NCKAP5: variants seen among roughly 807,000 people sequenced by gnomAD.
NCKAP5 encodes the protein nck-associated protein 5.
NCKAP5 carries 92 observed loss-of-function variants against 167.0 expected under a neutral mutation model. The ratio of observed to expected loss-of-function variants is 0.55; its 90% CI spans 0.47 to 0.66. The LOEUF (loss-of-function observed/expected upper bound fraction) is 0.66. Ranked by LOEUF, NCKAP5 falls within the 30% of genes least tolerant of loss-of-function variation. The probability of loss-of-function intolerance (pLI) is 0.00; values close to 1 mark genes in which losing one functional copy is unlikely to be tolerated. For synonymous variants in NCKAP5, 891 were observed against 877.4 expected, an observed-to-expected ratio of 1.02 and a Z score of -0.27; for missense variants, 2,378 against 2,315.0, an observed-to-expected ratio of 1.03 and a Z score of -0.56.
intron 6 of NCKAP5, among the ~76,000 whole-genome samples, chr2:133,120,441 A>G (rs2082215162): frequency 6.6e-6 from 1 of 152,180 alleles, no homozygotes; most frequent in Admixed American, 6.5e-5. Flanking sequence ...CATTAAATGC[A>G]CTGCCTATGG....
rs542180588 is a variant in NCKAP5 at position 132,800,768 on chromosome 2, G to C, written c.808-4039C>G. ...ATTCCCTGCCTTGAGGAATTGGACT[G>C]CCTCTCATTTTGGTCCTTTATCCAA... On this transcript the variant is annotated intron_variant, in intron 11 of 19. Transcript: ENST00000409261. 5.9e-5 allele frequency among the ~76,000 whole-genome samples: 9 copies of C among 152,274 alleles called. No individual in the cohort carries two copies. In the East Asian group the frequency reaches 1.4e-3, roughly 23 times the overall value.
intron 3 of NCKAP5, among the ~76,000 whole-genome samples, chr2:133,411,247 C>T (rs1278127952): frequency 6.6e-6 from 1 of 152,324 alleles, no homozygotes; most frequent in Non-Finnish European, 1.5e-5. Context: ...CCAGCCTTTG[C>T]CATGTCCTCT....
intron 3 of NCKAP5, among the ~76,000 whole-genome samples, chr2:133,465,058 G>A (rs1217183608): frequency 6.6e-6 from 1 of 151,270 alleles, no homozygotes; most frequent in Non-Finnish European, 1.5e-5. Context: ...TGCACATTGT[G>A]CAGGTTAGTT....
intron 6 of NCKAP5, among the ~76,000 whole-genome samples, chr2:133,012,806 C>G (rs991927872): frequency 2.0e-5 from 3 of 152,080 alleles, no homozygotes; most frequent in African/African-American, 7.2e-5. Flanking sequence ...TCATTTACTG[C>G]CCCCTTTCCT....
intron 4 of NCKAP5, among the ~76,000 whole-genome samples, chr2:133,298,512 G>A (rs1007487720): frequency 6.6e-6 from 1 of 152,222 alleles, no homozygotes; most frequent in South Asian, 2.1e-4. Context: ...TATCTGAGAA[G>A]ACCTAGGTTT....
At chr2:133,448,073 G>T (rs1691316741) in intron 3 of NCKAP5, among the ~76,000 whole-genome samples, 1 of 152,168 alleles carries the variant, frequency 6.6e-6, no homozygotes, top group South Asian at 2.1e-4. Context: ...GAACAAAGCA[G>T]AAGTGGGCTG....
chr2:133,205,709 T>C (rs2085917539), intron 5 of NCKAP5, among the ~76,000 whole-genome samples: 2 of 152,166 alleles, frequency 1.3e-5, no homozygotes, highest in African/African-American at 4.8e-5. Flanking sequence ...CATTTGGGGG[T>C]AAGCTGATAT....
At chr2:132,869,358 C>A (rs2148761371) in intron 9 of NCKAP5, among the ~76,000 whole-genome samples, 1 of 152,288 alleles carries the variant, frequency 6.6e-6, no homozygotes, top group Admixed American at 6.5e-5. Flanking sequence ...ATATCCTTTG[C>A]CTGTCCTTCC....
At chr2:133,496,189 T>C (rs1231067327) in intron 3 of NCKAP5, among the ~76,000 whole-genome samples, 2 of 152,204 alleles carry the variant, frequency 1.3e-5, no homozygotes, top group Non-Finnish European at 2.9e-5. Context: ...AATAAAATCT[T>C]GCAGAAAAAG....
intron 10 of NCKAP5, 48 bp from the exon 11 acceptor site, chr2:132,860,659 T>C: frequency 1.3e-6 from 2 of 1,539,198 alleles, no homozygotes; most frequent in Non-Finnish European, 1.8e-6. Context: ...CTGAAAGATG[T>C]CTTTGCATAT....
At chr2:133,385,298 A>G (rs551989745) in intron 3 of NCKAP5, among the ~76,000 whole-genome samples, 52 of 152,308 alleles carry the variant, frequency 3.4e-4, no homozygotes, top group East Asian at 2.1e-3. Flanking sequence ...GCATCTACTG[A>G]GATAATCATG....
intron 16 of NCKAP5, among the ~76,000 whole-genome samples, chr2:132,737,029 A>C (rs1190474396): frequency 6.6e-6 from 1 of 152,120 alleles, no homozygotes; most frequent in African/African-American, 2.4e-5. Flanking sequence ...GTATTAACAA[A>C]TTCTCACAGT....
At chr2:133,472,060 C>A (rs1679381553) in intron 3 of NCKAP5, among the ~76,000 whole-genome samples, 1 of 152,098 alleles carries the variant, frequency 6.6e-6, no homozygotes, top group Non-Finnish European at 1.5e-5. Flanking sequence ...AATATAAAAT[C>A]ATCCACAATC....
At chr2:133,382,937 T>G (rs1392868673) in intron 3 of NCKAP5, among the ~76,000 whole-genome samples, 2 of 152,154 alleles carry the variant, frequency 1.3e-5, no homozygotes, top group East Asian at 3.9e-4. Flanking sequence ...AAACACTGAA[T>G]TGAATGAATG....
intron 4 of NCKAP5, chr2:133,268,217 T>C (rs2089334770): frequency 6.6e-6 from 1 of 152,242 alleles, no homozygotes; most frequent in African/African-American, 2.4e-5. Context: ...GAGAAATGTG[T>C]GCAAGCCACA....
At chr2:133,194,077 C>A (rs912795506) in intron 5 of NCKAP5, among the ~76,000 whole-genome samples, 1 of 151,968 alleles carries the variant, frequency 6.6e-6, no homozygotes, top group African/African-American at 2.4e-5. Context: ...TACATATACA[C>A]CCGCATATAT....
At chr2:133,002,309 C>T (rs753167632) in intron 6 of NCKAP5, among the ~76,000 whole-genome samples, 2 of 152,168 alleles carry the variant, frequency 1.3e-5, no homozygotes, top group Non-Finnish European at 2.9e-5. Flanking sequence ...ACATGCATGT[C>T]TATGATAAAG....
Position 133,133,367 on chromosome 2 carries a change from C to T in NCKAP5, c.208-3256G>A, listed in dbSNP as rs2082677752. Among the ~76,000 whole-genome samples, 5 of 152,326 alleles carry T rather than the reference C, an allele frequency of 3.3e-5. No individual in the cohort carries two copies. In the South Asian group the frequency reaches 6.2e-4, roughly 19 times the overall value. On this transcript the variant is annotated intron_variant, in intron 5 of 19. Transcript: ENST00000409261. Reference sequence around the variant, plus strand: ...ATGATTTTCAAAGCTCCTCAATCACCACCTTTCAATTCTTCCCATGTTCTT... The same window carrying T: ...ATGATTTTCAAAGCTCCTCAATCACTACCTTTCAATTCTTCCCATGTTCTT...
At chr2:133,578,424 C>G in the NCKAP5 span, among the ~76,000 whole-genome samples, 2 of 152,244 alleles carry the variant, frequency 1.3e-5, no homozygotes, top group Admixed American at 6.5e-5. Context: ...CGCAGACATG[C>G]ACTGCATGGG....
Sources: allele counts gnomAD v4.1 joint callset (sites outside exome capture counted in the v4.1 genomes callset), GRCh38; gene constraint gnomAD v4.1.1; transcripts MANE v1.5; gene names NCBI Gene and HGNC (gene_info 2026-07-23, HGNC 2026-07-21).